Variants in THRA observed in about 807,000 individuals in gnomAD.
The protein encoded by THRA is thyroid hormone receptor alpha, also known as EAR-7.
THRA carries 13 observed loss-of-function variants against 45.0 expected under a neutral mutation model. The observed-to-expected ratio is 0.29, with a 90% confidence interval of 0.19 to 0.46. The LOEUF (loss-of-function observed/expected upper bound fraction) is 0.46, where lower values mean the gene tolerates loss of function less well. Among genes scored for constraint, THRA ranks in the 20% least tolerant of loss-of-function variants. THRA has a pLI of 1.00. For synonymous variants in THRA, 195 were observed against 214.0 expected, an observed-to-expected ratio of 0.91 and a Z score of 0.78; for missense variants, 278 against 556.1, an observed-to-expected ratio of 0.50 and a Z score of 5.03.
In THRA at chr17:40,089,323, T is replaced by C. The variant is rs781699391; in HGVS notation, c.1100T>C (p.Leu367Pro). 1 of 1,614,094 alleles carries C rather than the reference T, an allele frequency of 6.2e-7. No homozygotes were observed. Among genetic ancestry groups the C allele is most frequent in the Non-Finnish European group, 8.5e-7 (1 of 1,180,030 alleles). Residue 367 changes from leucine to proline, a missense_variant, in exon 9 of 9, where the codon CTG (leucine) becomes CCG (proline). Physicochemically the swap from Leu to Pro is moderately conservative, Grantham distance 98. This residue lies in a region of THRA where 66 missense variants were observed against 94.7 expected (regional missense o/e 0.70). Coordinates refer to ENST00000450525, the MANE Select transcript of THRA (RefSeq NM_199334.5). The surrounding 1 kb of genome is among the most constrained non-coding windows in gnomAD (Gnocchi z 6.1). ...KHNIPHFWPK[L>P]LMKVTDLRMI... Reference sequence around the variant, plus strand: ...AACATTCCGCACTTCTGGCCCAAGCTGCTGATGAAGGTGACTGACCTCCGC... The same window carrying C: ...AACATTCCGCACTTCTGGCCCAAGCCGCTGATGAAGGTGACTGACCTCCGC...
At chr17:40,088,813 A>G (rs1156632410) in intron 8 of THRA, among the ~76,000 whole-genome samples, 1 of 137,102 alleles carries the variant, frequency 7.3e-6, no homozygotes, top group Non-Finnish European at 1.6e-5. Flanking sequence ...GCCACCTTCC[A>G]TCCCCTCATC....
chr17:40,089,138 C>T lies in THRA; in HGVS notation c.983-68C>T. The T allele has an allele frequency of 6.6e-7, 1 of 1,516,034 alleles. No homozygotes were observed. The highest frequency in any genetic ancestry group is 9.1e-7 in the Non-Finnish European group (1 of 1,104,452). 93.9% of individuals were successfully genotyped at this position (1,516,034 alleles called of 1,614,324 possible). On this transcript the variant is annotated intron_variant, in intron 8 of 8. Transcript: ENST00000450525. This position sits in a 1 kb window ranked among gnomAD's most constrained non-coding sequence, Gnocchi z 6.1. ...CTAGTCCTTTCTTCCCACGTCCCCA[C>T]ACCTCACCCTCCCCATCTCCAGGCC...
chr17:40,089,664 A>G lies in THRA; in HGVS notation c.*208A>G. 7.1e-7 allele frequency: 1 copy of G among 1,414,380 alleles called. No homozygotes were observed. Among genetic ancestry groups the G allele is most frequent in the Non-Finnish European group, 9.2e-7 (1 of 1,086,202 alleles). The allele number at this position is 1,414,380 out of a possible 1,614,324, so 87.6% of individuals were successfully genotyped here. A position where few individuals can be genotyped will look rare whatever the true frequency, so the allele number is the denominator to read the frequency against. On this transcript the variant is annotated 3_prime_UTR_variant, in exon 9 of 9. Transcript: ENST00000450525. The surrounding 1 kb of genome is among the most constrained non-coding windows in gnomAD (Gnocchi z 6.1). ...GACAGGGCAAACAACTGAACTTGCTATGGAAAGGACAGTGTGGGAGGCTGG... is the reference window on the plus strand; with the variant it reads ...GACAGGGCAAACAACTGAACTTGCTGTGGAAAGGACAGTGTGGGAGGCTGG...
Position 40,074,495 on chromosome 17 carries a change from C to A in THRA, c.7C>A (p.Gln3Lys), listed in dbSNP as rs1986883116. 1 of 1,614,102 alleles carries A rather than the reference C, an allele frequency of 6.2e-7. No homozygotes were observed. The highest frequency in any genetic ancestry group is 1.6e-4 in the Middle Eastern group (1 of 6,062). Residue 3 changes from glutamine (Q) to lysine (K), a missense_variant, in exon 2 of 9, where the codon CAG (glutamine) becomes AAG (lysine). Around this residue, in one of 6 missense-constraint regions of THRA, gnomAD observed 34 missense variants for 39.7 expected, o/e 0.86. Transcript: ENST00000450525. The stretch of plus-strand genomic sequence containing the variant: ...CTGGATGGAATTGAAGTGAATGGAA[C>A]AGAAGCCAAGCAAGGTGGAGTGTGG... ME[Q>K]KPSKVECGSD...
chr17:40,075,757 G>A (rs879091), intron 2 of THRA, among the ~76,000 whole-genome samples: 37 of 152,260 alleles, frequency 2.4e-4, no homozygotes, highest in Admixed American at 5.2e-4. Flanking sequence ...TGCTGAAGCC[G>A]CTAGCTCAAC....
At position 40,090,761 on chromosome 17, in the gene THRA, G is replaced by C. The variant is rs1987502667; in HGVS notation, c.*1305G>C. ...TAAGTGACACTTAGTTGGGGCCCCAGGGGAGGGGTGGTCGGTGCTCCTTTT... is the reference window on the plus strand; with the variant it reads ...TAAGTGACACTTAGTTGGGGCCCCACGGGAGGGGTGGTCGGTGCTCCTTTT... On this transcript the variant is annotated 3_prime_UTR_variant, in exon 9 of 9. Coordinates refer to ENST00000450525, the MANE Select transcript of THRA (RefSeq NM_199334.5). The C allele has an allele frequency of 6.6e-6, 1 of 152,318 alleles. No homozygotes were observed. The highest frequency in any genetic ancestry group is 2.1e-4 in the South Asian group (1 of 4,834). 9.4% of individuals were successfully genotyped at this position (152,318 alleles called of 1,614,324 possible). A position where few individuals can be genotyped will look rare whatever the true frequency, so the allele number is the denominator to read the frequency against.
intron 3 of THRA, among the ~76,000 whole-genome samples, chr17:40,077,254 C>T (rs974137980): frequency 6.6e-6 from 1 of 152,206 alleles, no homozygotes; most frequent in Non-Finnish European, 1.5e-5. Context: ...TTATTTTTCC[C>T]TCTCCACCAT....
chr17:40,085,515 G>A (rs897320967), intron 6 of THRA, among the ~76,000 whole-genome samples: 1 of 151,252 alleles, frequency 6.6e-6, no homozygotes, highest in African/African-American at 2.4e-5. Context: ...TGTGTTTTTA[G>A]TAGAGACAGG....
Position 40,089,641 on chromosome 17 carries a change from C to T in THRA, c.*185C>T, listed in dbSNP as rs1598398962. 5.6e-6 allele frequency: 8 copies of T among 1,429,122 alleles called. No homozygotes were observed. Among genetic ancestry groups the T allele is most frequent in the Non-Finnish European group, 7.3e-6 (8 of 1,095,930 alleles). The allele number at this position is 1,429,122 out of a possible 1,614,324, so 88.5% of individuals were successfully genotyped here. A position where few individuals can be genotyped will look rare whatever the true frequency, so the allele number is the denominator to read the frequency against. ...CCTCCTCAGACCTCCAGCCCTGGGA[C>T]AGGGCAAACAACTGAACTTGCTATG... On this transcript the variant is annotated 3_prime_UTR_variant, in exon 9 of 9. Coordinates refer to ENST00000450525, the MANE Select transcript of THRA (RefSeq NM_199334.5). This position sits in a 1 kb window ranked among gnomAD's most constrained non-coding sequence, Gnocchi z 6.1.
chr17:40,078,817 C>T (rs897429836), intron 4 of THRA, among the ~76,000 whole-genome samples: 10 of 143,664 alleles, frequency 7.0e-5, no homozygotes, highest in African/African-American at 2.3e-4. Context: ...CTGCAACCTT[C>T]GCCTCCCGGG....
chr17:40,076,794 A>C (rs1396551898), intron 2 of THRA, 77 bp from the exon 3 acceptor site: 2 of 1,475,746 alleles, frequency 1.4e-6, no homozygotes, highest in African/African-American at 2.8e-5. Flanking sequence ...GCCTTGGGGG[A>C]TTGCATAAGC....
chr17:40,076,564 G>A (rs980553394), intron 2 of THRA, among the ~76,000 whole-genome samples: 3 of 152,256 alleles, frequency 2.0e-5, no homozygotes, highest in South Asian at 2.1e-4. Context: ...CAGCGTATTC[G>A]TCATGTACTG....
rs1397123498 is a variant in THRA at position 40,084,691 on chromosome 17, T to C, written c.452T>C (p.Ile151Thr). ...NRERRRKEEMIRSLQQRPEPT... is the reference protein window; with the variant it reads ...NRERRRKEEMTRSLQQRPEPT... ...GAGCGGCGGCGGAAGGAGGAGATGA[T>C]CCGATCACTGCAGCAGCGACCAGAG... Residue 151 changes from isoleucine to threonine, a missense_variant, in exon 6 of 9, where the codon ATC (isoleucine) becomes ACC (threonine). Physicochemically the swap from Ile to Thr is moderately conservative, Grantham distance 89. Coordinates refer to ENST00000450525, the MANE Select transcript of THRA (RefSeq NM_199334.5). The C allele has an allele frequency of 1.2e-6, 2 of 1,613,952 alleles. No individual in the cohort carries two copies. The highest frequency in any genetic ancestry group is 1.7e-6 in the Non-Finnish European group (2 of 1,179,974).
At chr17:40,077,312 A>G (rs1176192800) in intron 3 of THRA, among the ~76,000 whole-genome samples, 196 bp from the exon 4 acceptor site, 2 of 152,196 alleles carry the variant, frequency 1.3e-5, no homozygotes, top group African/African-American at 4.8e-5. Flanking sequence ...ATGGGCAGTC[A>G]GAAGAACTGA....
intron 4 of THRA, among the ~76,000 whole-genome samples, chr17:40,079,156 A>G: frequency 6.6e-6 from 1 of 152,140 alleles, no homozygotes; most frequent in East Asian, 1.9e-4. Flanking sequence ...CTGGGGGGGT[A>G]GTGGGAGCTG....
chr17:40,076,781 C>T (rs1231199730), intron 2 of THRA, 90 bp from the exon 3 acceptor site: 1 of 1,352,128 alleles, frequency 7.4e-7, no homozygotes, highest in Non-Finnish European at 1.0e-6. Flanking sequence ...TGGAAAGAAT[C>T]AGGCCTTGGG....
intron 4 of THRA, among the ~76,000 whole-genome samples, chr17:40,079,817 G>A (rs1056411997): frequency 2.0e-5 from 3 of 152,176 alleles, no homozygotes; most frequent in Non-Finnish European, 4.4e-5. Flanking sequence ...AGTGACAGAG[G>A]AGGGATTATG....
chr17:40,085,111 G>C (rs1249410095), intron 6 of THRA, among the ~76,000 whole-genome samples: 3 of 152,174 alleles, frequency 2.0e-5, no homozygotes, highest in Non-Finnish European at 4.4e-5. Context: ...TGGGAGGAGA[G>C]GGTAAGGATA....
Position 40,092,771 on chromosome 17 carries a change from A to G in THRA, c.*3315A>G. ...GTATTTCCACCCCACCCCCCAAACG[A>G]GCACACACCACAGAAGCCAGCTCAG... On this transcript the variant is annotated 3_prime_UTR_variant, in exon 9 of 9. Transcript: ENST00000450525. 3.2e-6 allele frequency: 1 copy of G among 316,504 alleles called. No individual in the cohort carries two copies. The highest frequency in any genetic ancestry group is 5.5e-6 in the Non-Finnish European group (1 of 180,380). 19.6% of individuals were successfully genotyped at this position (316,504 alleles called of 1,614,324 possible). A position where few individuals can be genotyped will look rare whatever the true frequency, so the allele number is the denominator to read the frequency against.
Sources: gnomAD v4.1 joint callset for allele counts (sites outside exome capture counted in the v4.1 genomes callset) on GRCh38, gnomAD v4.1.1 for gene constraint, gnomAD v4.1.1 regional missense constraint, Gnocchi (gnomAD v3.1) non-coding constraint, MANE v1.5 for transcripts, NCBI Gene and HGNC (gene_info 2026-07-23, HGNC 2026-07-21) for gene names.